The following MKLN1 variants were observed in gnomAD, a reference collection of about 807,000 sequenced individuals.
The protein encoded by MKLN1 is muskelin.
MKLN1 carries 18 observed loss-of-function variants against 99.0 expected under a neutral mutation model. The ratio of observed to expected loss-of-function variants is 0.18; its 90% CI spans 0.13 to 0.27. The LOEUF (loss-of-function observed/expected upper bound fraction) is 0.27. MKLN1 is among the 10% of genes least tolerant of loss of function. The pLI is 1.00. For missense variants in MKLN1, 621 were observed against 875.9 expected (o/e 0.71, Z 3.67); for synonymous variants, 288 against 293.2 (o/e 0.98, Z 0.18).
chr7:131,298,721 C>T (rs948082422), intron 3 of MKLN1, among the ~76,000 whole-genome samples: 3 of 152,152 alleles, frequency 2.0e-5, no homozygotes, highest in Non-Finnish European at 4.4e-5. Flanking sequence ...TACTCTTGTA[C>T]CTAGATTTGT....
intron 3 of MKLN1, among the ~76,000 whole-genome samples, chr7:131,262,643 T>TG (rs1488192812): frequency 2.6e-5 from 4 of 151,714 alleles, no homozygotes; most frequent in Admixed American, 6.6e-5. Flanking sequence ...CTCCACCTCC[T>TG]GGGTTCAAGC....
intron 1 of MKLN1, among the ~76,000 whole-genome samples, chr7:131,138,751 T>C (rs1460583192): frequency 6.6e-6 from 1 of 152,202 alleles, no homozygotes; most frequent in African/African-American, 2.4e-5. Context: ...CTTGCCTATC[T>C]GTGCACAGGC....
At chr7:131,356,897 G>A (rs769078769) in intron 1 of MKLN1, among the ~76,000 whole-genome samples, 1 of 152,148 alleles carries the variant, frequency 6.6e-6, no homozygotes, top group Non-Finnish European at 1.5e-5. Flanking sequence ...CAGAAGGAGG[G>A]AGAGACTGAG....
intron 4 of MKLN1, among the ~76,000 whole-genome samples, chr7:131,390,348 T>C (rs1424514861): frequency 6.6e-6 from 1 of 152,168 alleles, no homozygotes; most frequent in East Asian, 1.9e-4. Flanking sequence ...TTGCACTGGG[T>C]AATGTTTTCA....
chr7:131,222,464 G>A (rs1228358036), intron 3 of MKLN1, among the ~76,000 whole-genome samples: 1 of 152,098 alleles, frequency 6.6e-6, no homozygotes. Flanking sequence ...CTGCCACTCT[G>A]GTTTATGTAG....
chr7:131,264,492 A>G (rs1797779263), intron 3 of MKLN1, among the ~76,000 whole-genome samples: 1 of 152,178 alleles, frequency 6.6e-6, no homozygotes, highest in Non-Finnish European at 1.5e-5. Flanking sequence ...CTAATTTTGA[A>G]TAGTTTCATT....
chr7:131,112,595 G>A (rs554381162), intron 1 of MKLN1, among the ~76,000 whole-genome samples: 57 of 152,288 alleles, frequency 3.7e-4, no homozygotes, highest in African/African-American at 1.2e-3. Flanking sequence ...TTATGACAAC[G>A]TGTCACTGTG....
chr7:131,123,906 G>A (rs1280613391), intron 1 of MKLN1, among the ~76,000 whole-genome samples: 1 of 152,196 alleles, frequency 6.6e-6, no homozygotes, highest in African/African-American at 2.4e-5. Flanking sequence ...AAAAGATCTA[G>A]TGACTGATAA....
intron 2 of MKLN1, among the ~76,000 whole-genome samples, chr7:131,153,494 G>A (rs1795918765): frequency 6.6e-6 from 1 of 151,838 alleles, no homozygotes; most frequent in Non-Finnish European, 1.5e-5. Flanking sequence ...TTATATTTAA[G>A]ATGTGAATAT....
chr7:131,435,012 CATGTT>C (rs1481557037), intron 9 of MKLN1, among the ~76,000 whole-genome samples: 1 of 152,156 alleles, frequency 6.6e-6, no homozygotes, highest in Non-Finnish European at 1.5e-5. Flanking sequence ...AAATTTCGTA[CATGTT>C]ATCAGATTGA....
chr7:131,340,722 GA>G (rs529918261), intron 1 of MKLN1, among the ~76,000 whole-genome samples: 1 of 152,296 alleles, frequency 6.6e-6, no homozygotes, highest in East Asian at 1.9e-4. Context: ...GTAAATGAGT[GA>G]ATTAACTAGC....
chr7:131,299,961 T>C (rs1396577264), intron 3 of MKLN1, among the ~76,000 whole-genome samples: 2 of 152,168 alleles, frequency 1.3e-5, no homozygotes, highest in Non-Finnish European at 1.5e-5. Flanking sequence ...GCAAGATATT[T>C]TGTGGCAAAG....
At chr7:131,152,298 G>A (rs1484682119) in intron 2 of MKLN1, among the ~76,000 whole-genome samples, 1 of 151,942 alleles carries the variant, frequency 6.6e-6, no homozygotes, top group Non-Finnish European at 1.5e-5. Flanking sequence ...CTCCAGCCTG[G>A]GTGACAGACT....
chr7:131,485,260 G>A lies in MKLN1; in HGVS notation c.2087-2347G>A, dbSNP rs144853443. On this transcript the variant is annotated intron_variant, in intron 17 of 17. Transcript: ENST00000352689. ...TCAGAATGAATGATGACAGTAATGA[G>A]TATAACATTGAGCAAGAGAAGAATC... is the stretch of plus-strand genomic sequence containing the variant. Among the ~76,000 whole-genome samples the A allele has an allele frequency of 4.1e-4, 63 of 152,152 alleles. 1 individual carries two copies. In the East Asian group the frequency reaches 0.011, roughly 26 times the overall value.
chr7:131,154,407 T>C (rs923898459), intron 2 of MKLN1, among the ~76,000 whole-genome samples: 1 of 152,210 alleles, frequency 6.6e-6, no homozygotes, highest in African/African-American at 2.4e-5. Flanking sequence ...AATCTTACTA[T>C]GCCTGCTGTC....
Position 131,487,588 on chromosome 7 carries a change from T to C in MKLN1, c.2087-19T>C. On this transcript the variant is annotated intron_variant, in intron 17 of 17. Coordinates refer to ENST00000352689, the MANE Select transcript of MKLN1 (RefSeq NM_013255.5). This position sits in a 1 kb window ranked among gnomAD's most constrained non-coding sequence, Gnocchi z 4.7. ...ATGTTTTAAACACAATGGATGTTTCTTTGTATCTTCTTCACCAGGCTTTTC... is the reference window on the plus strand; with the variant it reads ...ATGTTTTAAACACAATGGATGTTTCCTTGTATCTTCTTCACCAGGCTTTTC... The C allele has an allele frequency of 6.2e-7, 1 of 1,609,242 alleles. No homozygotes were observed. The highest frequency in any genetic ancestry group is 8.5e-7 in the Non-Finnish European group (1 of 1,178,282).
At chr7:131,126,439 CAG>C (rs1331583946) in intron 1 of MKLN1, among the ~76,000 whole-genome samples, 2 of 152,118 alleles carry the variant, frequency 1.3e-5, no homozygotes, top group Non-Finnish European at 2.9e-5. Flanking sequence ...TTCTAAGGTA[CAG>C]ATATCCCCCC....
At chr7:131,441,431 C>T (rs970905983) in intron 10 of MKLN1, among the ~76,000 whole-genome samples, 4 of 151,982 alleles carry the variant, frequency 2.6e-5, no homozygotes, top group African/African-American at 9.7e-5. Flanking sequence ...AGTGGTTATC[C>T]ACTATTTTGA....
intron 1 of MKLN1, among the ~76,000 whole-genome samples, chr7:131,344,187 T>C (rs1484421536): frequency 1.3e-5 from 2 of 152,222 alleles, no homozygotes; most frequent in East Asian, 3.8e-4. Context: ...TTTTATTTTT[T>C]AAGTGCCTTT....
Sources: allele counts gnomAD v4.1 joint callset (sites outside exome capture counted in the v4.1 genomes callset), GRCh38; gene constraint gnomAD v4.1.1; non-coding constraint Gnocchi (gnomAD v3.1); transcripts MANE v1.5; gene names NCBI Gene and HGNC (gene_info 2026-07-23, HGNC 2026-07-21).